The following ZFPM1 variants were observed in gnomAD, a reference collection of about 807,000 sequenced individuals.
The protein encoded by ZFPM1 is zinc finger protein ZFPM1.
Under a neutral mutation model 46.3 loss-of-function variants are expected in ZFPM1, and 28 were observed. That is an observed-to-expected ratio of 0.60 (90% CI 0.45 to 0.83). The LOEUF (loss-of-function observed/expected upper bound fraction) is 0.83, where lower values mean the gene tolerates loss of function less well. Among genes scored for constraint, ZFPM1 ranks in the 40% least tolerant of loss-of-function variants. ZFPM1 has a pLI of 0.00. For synonymous variants in ZFPM1, 957 were observed against 675.9 expected, an observed-to-expected ratio of 1.42 and a Z score of -6.45; for missense variants, 1,878 against 1,432.4, an observed-to-expected ratio of 1.31 and a Z score of -5.02.
intron 3 of ZFPM1, among the ~76,000 whole-genome samples, chr16:88,490,565 A>G (rs140653225): frequency 9.8e-5 from 15 of 152,326 alleles, no homozygotes; most frequent in Admixed American, 5.2e-4. Flanking sequence ...GAAAGGGGTC[A>G]GCGAGGTCCC....
At chr16:88,458,499 T>C (rs1395481892) in intron 1 of ZFPM1, among the ~76,000 whole-genome samples, 1 of 152,204 alleles carries the variant, frequency 6.6e-6, no homozygotes, top group Non-Finnish European at 1.5e-5. Flanking sequence ...GAGGAGGGAA[T>C]GTGATGCCAT....
intron 3 of ZFPM1, among the ~76,000 whole-genome samples, chr16:88,507,153 C>T (rs1489854763): frequency 2.0e-5 from 3 of 152,164 alleles, no homozygotes; most frequent in East Asian, 1.9e-4. Context: ...CATGGGTTTG[C>T]GATCAGAGGA....
intron 3 of ZFPM1, among the ~76,000 whole-genome samples, chr16:88,494,135 A>C (rs1333310600): frequency 6.6e-6 from 1 of 151,664 alleles, no homozygotes; most frequent in African/African-American, 2.4e-5. Flanking sequence ...GCAGGCCTTG[A>C]GCTTGTCGGC....
intron 1 of ZFPM1, among the ~76,000 whole-genome samples, chr16:88,476,158 CTGGCTCACCCACCCCAGGG>C (rs1908673292): frequency 1.3e-5 from 2 of 152,034 alleles, no homozygotes; most frequent in Admixed American, 1.3e-4. Flanking sequence ...GGGACTCAGC[CTGGCTCACCCACCCCAGGG>C]TGAGCAGGCT....
At position 88,489,056 on chromosome 16, in the gene ZFPM1, GC is replaced by G; in HGVS notation, c.177del (p.Thr60HisfsTer79). On this transcript the variant is annotated frameshift_variant, in exon 3 of 10. Coordinates refer to ENST00000319555, the MANE Select transcript of ZFPM1 (RefSeq NM_153813.3). LOFTEE classifies it high-confidence loss of function. ...ATGTTAACTCACCCCCACCGCTGCCGCCCCCCACATCCCCAGGAGGCCCCAA... is the reference window on the plus strand; with the variant it reads ...ATGTTAACTCACCCCCACCGCTGCCGCCCCCACATCCCCAGGAGGCCCCAA... ...ADVNSPPPLP[P>X]PTSPGGPKEL... 6.2e-7 allele frequency: 1 copy of G among 1,612,734 alleles called. No individual in the cohort carries two copies. The highest frequency in any genetic ancestry group is 8.5e-7 in the Non-Finnish European group (1 of 1,179,590).
intron 1 of ZFPM1, among the ~76,000 whole-genome samples, chr16:88,463,444 T>C (rs1907989935): frequency 6.6e-6 from 1 of 152,228 alleles, no homozygotes; most frequent in Non-Finnish European, 1.5e-5. Flanking sequence ...TAAGCCGCTC[T>C]CCACACTCAG....
chr16:88,532,992 G>A (rs1376740873), intron 9 of ZFPM1, 57 bp downstream of exon 9: 3 of 1,602,896 alleles, frequency 1.9e-6, no homozygotes, highest in East Asian at 4.5e-5. Flanking sequence ...CAGTGGGAAG[G>A]GAGTGGGCTT....
intron 6 of ZFPM1, chr16:88,530,463 C>G (rs1912702008): frequency 1.3e-5 from 2 of 152,272 alleles, no homozygotes; most frequent in Admixed American, 6.5e-5. Flanking sequence ...CCTAGCACTT[C>G]TGCGGCTGCC....
rs553710563 is a variant in ZFPM1 at position 88,514,350 on chromosome 16, A to G, written c.269-37A>G. ...GGGAGGTGGGCTGGACAGGCCCCAG[A>G]CCGGGCACGCCTCATGCCTGCGATG... is the stretch of plus-strand genomic sequence containing the variant. On this transcript the variant is annotated intron_variant, in intron 3 of 9. Coordinates refer to ENST00000319555, the MANE Select transcript of ZFPM1 (RefSeq NM_153813.3). 33 of 1,553,618 alleles carry G rather than the reference A, an allele frequency of 2.1e-5. No homozygotes were observed. The South Asian group carries it at 3.8e-4, about 18-fold the overall frequency.
chr16:88,483,446 C>CT (rs529773254), intron 1 of ZFPM1, among the ~76,000 whole-genome samples: 26 of 152,336 alleles, frequency 1.7e-4, no homozygotes, highest in African/African-American at 5.5e-4. Flanking sequence ...GGCCCCGCCC[C>CT]AGGGCCTTTG....
intron 3 of ZFPM1, among the ~76,000 whole-genome samples, chr16:88,498,364 G>C (rs1228494202): frequency 6.6e-6 from 1 of 152,196 alleles, no homozygotes; most frequent in Non-Finnish European, 1.5e-5. Flanking sequence ...GGATAGACAG[G>C]GATGGGCCTG....
In ZFPM1 at chr16:88,533,785, G is replaced by C; in HGVS notation, c.1827G>C (p.Ala609=). The change falls in exon 10 of 10, where the codon GCG becomes GCC. Residue 609 remains alanine, a synonymous_variant. Transcript: ENST00000319555. ...CAGGCCGCCGTGCGCCCGAGGACGC[G>C]CCTGCCGCGCGCAGGCCCAAGGCGC... ...YCSGRRAPED[A]PAARRPKAPP... 1 of 1,301,110 alleles carries C rather than the reference G, an allele frequency of 7.7e-7. No homozygotes were observed. Among genetic ancestry groups the C allele is most frequent in the Non-Finnish European group, 9.9e-7 (1 of 1,008,580 alleles). The allele number at this position is 1,301,110 out of a possible 1,614,324, so 80.6% of individuals were successfully genotyped here. A position where few individuals can be genotyped will look rare whatever the true frequency, so the allele number is the denominator to read the frequency against.
chr16:88,527,191 G>A (rs888323364), intron 5 of ZFPM1, among the ~76,000 whole-genome samples: 6 of 152,184 alleles, frequency 3.9e-5, no homozygotes, highest in Non-Finnish European at 7.4e-5. Flanking sequence ...CCCTCTGGGG[G>A]ACACCGTGAT....
intron 4 of ZFPM1, chr16:88,516,342 C>A: frequency 2.5e-6 from 1 of 397,876 alleles, no homozygotes; most frequent in Non-Finnish European, 4.4e-6. Flanking sequence ...TAGTCCTGCT[C>A]TGGCCTAGGG....
At chr16:88,460,044 G>C (rs2142338588) in intron 1 of ZFPM1, among the ~76,000 whole-genome samples, 1 of 151,940 alleles carries the variant, frequency 6.6e-6, no homozygotes, top group South Asian at 2.1e-4. Context: ...CTTCCCTCCA[G>C]CGCATCCCGA....
At chr16:88,492,708 C>T (rs955645358) in intron 3 of ZFPM1, among the ~76,000 whole-genome samples, 2 of 152,204 alleles carry the variant, frequency 1.3e-5, no homozygotes, top group African/African-American at 4.8e-5. Flanking sequence ...CGGAGAGGCC[C>T]GGCCTTGGTG....
At chr16:88,533,051 T>TTGCC in intron 9 of ZFPM1, 97 bp from the exon 10 acceptor site, 6 of 1,351,604 alleles carry the variant, frequency 4.4e-6, no homozygotes, top group Non-Finnish European at 5.0e-6. Context: ...TCTAAACCAC[T>TTGCC]CCCGCCCACC....
At chr16:88,454,732 C>G (rs1907458929) in intron 1 of ZFPM1, among the ~76,000 whole-genome samples, 2 of 152,252 alleles carry the variant, frequency 1.3e-5, no homozygotes, top group Non-Finnish European at 2.9e-5. Flanking sequence ...TTGCGCCTCA[C>G]AGTTAGGGCC....
At chr16:88,500,341 G>A (rs972769472) in intron 3 of ZFPM1, among the ~76,000 whole-genome samples, 39 of 152,306 alleles carry the variant, frequency 2.6e-4, no homozygotes, top group African/African-American at 8.7e-4. Context: ...TCAGGAAGAC[G>A]GCCACAGGGC....
Sources: allele counts gnomAD v4.1 joint callset (sites outside exome capture counted in the v4.1 genomes callset), GRCh38; gene constraint gnomAD v4.1.1; transcripts MANE v1.5; gene names NCBI Gene and HGNC (gene_info 2026-07-23, HGNC 2026-07-21).